Variants in UFSP2 observed in about 807,000 individuals in gnomAD.
The protein encoded by UFSP2 is ufm1-specific protease 2.
UFSP2 carries 43 observed loss-of-function variants against 60.2 expected under a neutral mutation model. The observed-to-expected ratio is 0.71, with a 90% CI of 0.56 to 0.92. The LOEUF (loss-of-function observed/expected upper bound fraction) is 0.92, where lower values mean the gene tolerates loss of function less well. Ranked by LOEUF, UFSP2 falls within the 40% of genes least tolerant of loss-of-function variation. UFSP2 has a pLI of 0.00. For missense variants in UFSP2, 520 were observed against 575.0 expected (o/e 0.90, Z 0.98); for synonymous variants, 183 against 195.1 (o/e 0.94, Z 0.52).
Position 185,410,882 on chromosome 4 carries a change from G to C in UFSP2, c.832-2447C>G, listed in dbSNP as rs1202416708. On this transcript the variant is annotated intron_variant, in intron 7 of 11. Coordinates refer to ENST00000264689, the MANE Select transcript of UFSP2 (RefSeq NM_018359.5). The stretch of plus-strand genomic sequence containing the variant: ...AATCGCTGGAACCCAGGAGGCGGAG[G>C]TTGCAGTGAGCCAAGATTGTGCCAC... Among the ~76,000 whole-genome samples, 5 of 148,722 alleles carry C rather than the reference G, an allele frequency of 3.4e-5. No homozygotes were observed. In the East Asian group the frequency reaches 1.0e-3, roughly 30 times the overall value.
chr4:185,411,197 A>G (rs1350621507), intron 7 of UFSP2, among the ~76,000 whole-genome samples: 1 of 151,878 alleles, frequency 6.6e-6, no homozygotes, highest in East Asian at 1.9e-4. Context: ...TACAAGATAT[A>G]TTAAAACCTA....
intron 9 of UFSP2, 34 bp from the exon 10 acceptor site, chr4:185,405,890 C>G: frequency 1.2e-6 from 2 of 1,613,808 alleles, no homozygotes; most frequent in Non-Finnish European, 1.7e-6. Flanking sequence ...AGATGAACTA[C>G]TTCCAACACT....
rs1301618613 is a variant in UFSP2, at chr4:185,399,618, T to C, written c.*774A>G. 1.2e-6 allele frequency: 2 copies of C among 1,614,218 alleles called. No individual in the cohort carries two copies. Among genetic ancestry groups the C allele is most frequent in the Non-Finnish European group, 1.7e-6 (2 of 1,180,028 alleles). ...CAGCTGAAGATCTCGCTTGGTCATG[T>C]GGATTTCCAGACTGTGCCAAGTTTC... On this transcript the variant is annotated 3_prime_UTR_variant, in exon 12 of 12. Coordinates refer to ENST00000264689, the MANE Select transcript of UFSP2 (RefSeq NM_018359.5).
intron 10 of UFSP2, among the ~76,000 whole-genome samples, chr4:185,405,258 G>T (rs898192688): frequency 2.6e-5 from 4 of 151,068 alleles, no homozygotes; most frequent in African/African-American, 9.7e-5. Context: ...TCAGCCTCCC[G>T]AAGTGCTAGG....
intron 9 of UFSP2, 151 bp downstream of exon 9, chr4:185,407,784 TA>T: frequency 1.1e-6 from 1 of 890,546 alleles, no homozygotes; most frequent in East Asian, 3.0e-5. Flanking sequence ...AAATTAAGAT[TA>T]AAAAATGAGA....
intron 9 of UFSP2, 36 bp downstream of exon 9, chr4:185,407,900 T>G: frequency 6.3e-7 from 1 of 1,581,902 alleles, no homozygotes; most frequent in South Asian, 1.2e-5. Flanking sequence ...ACTGTCACTT[T>G]GAAATGATTT....
At chr4:185,407,521 T>A (rs916457770) in intron 9 of UFSP2, among the ~76,000 whole-genome samples, 1 of 152,070 alleles carries the variant, frequency 6.6e-6, no homozygotes, top group Non-Finnish European at 1.5e-5. Context: ...ATTATTAACG[T>A]TTTAGAAAGA....
In UFSP2 at chr4:185,413,889, T is replaced by A. The variant is rs757799197; in HGVS notation, c.685-17A>T. The A allele has an allele frequency of 1.9e-6, 3 of 1,570,368 alleles. No homozygotes were observed. Among genetic ancestry groups the A allele is most frequent in the Admixed American group, 2.0e-5 (1 of 49,536 alleles). ...ATGTAACTCCTAAAATAAATCAGAATCAACAGAAAAAGAAAAAATGTTGGT... is the reference window on the plus strand; with the variant it reads ...ATGTAACTCCTAAAATAAATCAGAAACAACAGAAAAAGAAAAAATGTTGGT... On this transcript the variant is annotated splice_polypyrimidine_tract_variant and intron_variant, in intron 6 of 11. Coordinates refer to ENST00000264689, the MANE Select transcript of UFSP2 (RefSeq NM_018359.5).
chr4:185,403,979 AAAAAAAAAC>A (rs2126877929), intron 10 of UFSP2, among the ~76,000 whole-genome samples: 1 of 126,330 alleles, frequency 7.9e-6, no homozygotes, highest in Non-Finnish European at 1.6e-5. Context: ...AAAAAAAAAC[AAAAAAAAAC>A]AACATTACTT....
rs1400461866 is a variant in UFSP2, at chr4:185,403,583, C to A, written c.1234G>T (p.Ala412Ser). ...GVLAHTILGVAWNEITGQIKF... is the reference protein window; with the variant it reads ...GVLAHTILGVSWNEITGQIKF... ...ATCTGCCCTGTAATCTCATTCCATG[C>A]AACTCCTAGTATTGTGTGGGCCAAA... The change falls in exon 11 of 12, where the codon GCA becomes TCA. Residue 412 changes from alanine (A) to serine (S), a missense_variant. Coordinates refer to ENST00000264689, the MANE Select transcript of UFSP2 (RefSeq NM_018359.5). The A allele has an allele frequency of 6.2e-7, 1 of 1,614,014 alleles. No homozygotes were observed. The highest frequency in any genetic ancestry group is 8.5e-7 in the Non-Finnish European group (1 of 1,180,028).
Position 185,418,729 on chromosome 4 carries a change from G to C in UFSP2, c.124C>G (p.Leu42Val), listed in dbSNP as rs1249567529. ...GCGTTTGAAGACAGCTTAGTTGACA[G>C]GTCACTCAACACATGTTTCAGTGCC... Reference protein sequence around the residue: ...KKALKHVLSDLSTKLSSNALV... With the variant: ...KKALKHVLSDVSTKLSSNALV... Residue 42 changes from leucine (L) to valine (V), a missense_variant, in exon 3 of 12, where the codon CTG becomes GTG. By Grantham distance (32) the Leu-to-Val change is conservative. Transcript: ENST00000264689. 1.2e-6 allele frequency: 2 copies of C among 1,611,978 alleles called. No individual in the cohort carries two copies. The highest frequency in any genetic ancestry group is 1.3e-5 in the African/African-American group (1 of 74,730).
At chr4:185,407,179 T>C (rs1444305817) in intron 9 of UFSP2, among the ~76,000 whole-genome samples, 1 of 151,660 alleles carries the variant, frequency 6.6e-6, no homozygotes, top group African/African-American at 2.4e-5. Flanking sequence ...GCCTCCCAAG[T>C]AGCTGGGATT....
At chr4:185,422,710 AAAAACAAAAACAAAAGCAACCCC>A (rs2095551630) in intron 1 of UFSP2, 147 bp from the exon 2 acceptor site, 1 of 652,156 alleles carries the variant, frequency 1.5e-6, no homozygotes, top group Non-Finnish European at 2.5e-6. Context: ...GTTTTATAGA[AAAAACAAAAACAAAAGCAACCCC>A]AAAATTTTAA....
At chr4:185,425,436 G>A (rs547139408) in intron 1 of UFSP2, among the ~76,000 whole-genome samples, 1 of 152,226 alleles carries the variant, frequency 6.6e-6, no homozygotes, top group African/African-American at 2.4e-5. Flanking sequence ...CGTCCCTGAA[G>A]AGCACCACCA....
At chr4:185,400,693 A>G (rs2095512244) in intron 11 of UFSP2, 1 of 391,932 alleles carries the variant, frequency 2.6e-6, no homozygotes, top group Admixed American at 4.3e-5. Flanking sequence ...GTAATTCATC[A>G]TAAAAATCAT....
chr4:185,407,519 C>T (rs1177660830), intron 9 of UFSP2, among the ~76,000 whole-genome samples: 3 of 151,860 alleles, frequency 2.0e-5, no homozygotes, highest in South Asian at 2.1e-4. Context: ...AGATTATTAA[C>T]GTTTTAGAAA....
chr4:185,415,077 T>G, intron 6 of UFSP2, 78 bp downstream of exon 6: 1 of 1,204,170 alleles, frequency 8.3e-7, no homozygotes, highest in Non-Finnish European at 1.2e-6. Context: ...ACCTTCCATT[T>G]AGTGGAAATA....
rs1200560599 is a variant in UFSP2 at position 185,413,870 on chromosome 4, C to G, written c.687G>C (p.Glu229Asp). The change falls in exon 7 of 12, where the codon GAG (glutamate) becomes GAC (aspartate). Residue 229 changes from glutamate to aspartate, a missense_variant and splice_region_variant. By Grantham distance (45) the Glu-to-Asp change is conservative. Transcript: ENST00000264689. ...PDGQLQAYRK[E>D]LHDLFNLPHD... ...GAGGCAGATTGAAAAGATCATGTAACTCCTAAAATAAATCAGAATCAACAG... is the reference window on the plus strand; with the variant it reads ...GAGGCAGATTGAAAAGATCATGTAAGTCCTAAAATAAATCAGAATCAACAG... The G allele has an allele frequency of 1.1e-5, 18 of 1,590,156 alleles. No individual in the cohort carries two copies. The East Asian group carries it at 4.1e-4, about 36-fold the overall frequency.
chr4:185,411,876 AATG>A (rs2095529981), intron 7 of UFSP2, among the ~76,000 whole-genome samples: 1 of 152,242 alleles, frequency 6.6e-6, no homozygotes, highest in Non-Finnish European at 1.5e-5. Flanking sequence ...CTACGTACAG[AATG>A]ATACCATATT....
Sources: allele counts gnomAD v4.1 joint callset (sites outside exome capture counted in the v4.1 genomes callset), GRCh38; gene constraint gnomAD v4.1.1; transcripts MANE v1.5; gene names NCBI Gene and HGNC (gene_info 2026-07-23, HGNC 2026-07-21).